Variants in NKAIN2 observed in about 807,000 individuals in gnomAD.
The protein encoded by NKAIN2 is sodium/potassium transporting ATPase interacting 2.
Under a neutral mutation model 32.6 loss-of-function variants are expected in NKAIN2, and 14 were observed. That is an observed-to-expected ratio of 0.43 (90% CI 0.28 to 0.67). NKAIN2 has a LOEUF of 0.67. NKAIN2 is among the 30% of genes least tolerant of loss of function. The pLI is 0.17. For missense variants in NKAIN2, 198 were observed against 258.3 expected (o/e 0.77, Z 1.60); for synonymous variants, 80 against 87.2 (o/e 0.92, Z 0.46).
intron 1 of NKAIN2, among the ~76,000 whole-genome samples, chr6:124,159,883 C>A (rs111866614): frequency 7.2e-5 from 11 of 152,132 alleles, no homozygotes; most frequent in African/African-American, 2.4e-4. Context: ...TTCTGAGCTG[C>A]AAACTAAATG....
chr6:124,069,091 T>C (rs1275253217), intron 1 of NKAIN2, among the ~76,000 whole-genome samples: 1 of 152,180 alleles, frequency 6.6e-6, no homozygotes, highest in East Asian at 1.9e-4. Flanking sequence ...ACCTCTTTGG[T>C]TATCTGTTCA....
chr6:123,908,852 T>A (rs2114445071), intron 1 of NKAIN2, among the ~76,000 whole-genome samples: 1 of 152,340 alleles, frequency 6.6e-6, no homozygotes, highest in East Asian at 1.9e-4. Flanking sequence ...TTCAGATTGC[T>A]TCTAGCTCCC....
Position 124,451,045 on chromosome 6 carries a change from T to A in NKAIN2, c.273+95698T>A, listed in dbSNP as rs560415394. 8.5e-5 allele frequency among the ~76,000 whole-genome samples: 13 copies of A among 152,140 alleles called. 1 individual carries two copies. The South Asian group carries it at 1.7e-3, about 19-fold the overall frequency. The stretch of plus-strand genomic sequence containing the variant: ...TCAATGAAACCAGAAATAGAAAGAA[T>A]CAGTTAAAATAATGGAACCTTTTAG... On this transcript the variant is annotated intron_variant, in intron 3 of 6. Transcript: ENST00000368417.
intron 1 of NKAIN2, among the ~76,000 whole-genome samples, chr6:124,239,583 T>A (rs1792962935): frequency 6.6e-6 from 1 of 152,114 alleles, no homozygotes; most frequent in Admixed American, 6.6e-5. Context: ...AACTCAGGAT[T>A]AAGAAACTCA....
chr6:124,109,096 C>T (rs1182559069), intron 1 of NKAIN2, among the ~76,000 whole-genome samples: 2 of 151,722 alleles, frequency 1.3e-5, no homozygotes, highest in Non-Finnish European at 1.5e-5. Flanking sequence ...GTAAATTATG[C>T]CATTGGAATT....
At chr6:123,907,515 T>G (rs1232867242) in intron 1 of NKAIN2, among the ~76,000 whole-genome samples, 2 of 152,188 alleles carry the variant, frequency 1.3e-5, no homozygotes, top group African/African-American at 4.8e-5. Flanking sequence ...TGTAAATATA[T>G]GGGACTGGAA....
At chr6:124,323,638 A>C (rs185028338) in intron 2 of NKAIN2, among the ~76,000 whole-genome samples, 172 of 151,950 alleles carry the variant, frequency 1.1e-3, no homozygotes, top group African/African-American at 4.0e-3. Context: ...AGTATGTTCC[A>C]TTTTTCTATA....
chr6:124,557,483 AT>A (rs562604845), intron 3 of NKAIN2, among the ~76,000 whole-genome samples: 76 of 152,278 alleles, frequency 5.0e-4, no homozygotes, highest in Non-Finnish European at 8.5e-4. Flanking sequence ...AACTTTGCTG[AT>A]TAAGGAAAAC....
At chr6:123,824,064 A>G (rs1020095317) in intron 1 of NKAIN2, among the ~76,000 whole-genome samples, 5 of 152,178 alleles carry the variant, frequency 3.3e-5, no homozygotes, top group African/African-American at 1.2e-4. Context: ...GTCTGTAACT[A>G]ATAGAATTTA....
intron 3 of NKAIN2, among the ~76,000 whole-genome samples, chr6:124,418,327 A>G (rs1774588312): frequency 6.6e-6 from 1 of 152,028 alleles, no homozygotes; most frequent in African/African-American, 2.4e-5. Context: ...TCTGAACACA[A>G]AATAATATTT....
At chr6:124,190,205 C>A (rs917854156) in intron 1 of NKAIN2, among the ~76,000 whole-genome samples, 1 of 152,198 alleles carries the variant, frequency 6.6e-6, no homozygotes, top group Admixed American at 6.5e-5. Flanking sequence ...CTTATTCTTT[C>A]TAAGCCTTGG....
intron 1 of NKAIN2, among the ~76,000 whole-genome samples, chr6:123,806,224 G>GT (rs1773208216): frequency 6.6e-6 from 1 of 152,118 alleles, no homozygotes; most frequent in African/African-American, 2.4e-5. Flanking sequence ...AGACGTAGCT[G>GT]TAATACAGAA....
intron 1 of NKAIN2, among the ~76,000 whole-genome samples, chr6:124,083,884 C>G (rs1353523886): frequency 2.6e-5 from 4 of 151,810 alleles, no homozygotes; most frequent in Non-Finnish European, 5.9e-5. Context: ...TTGCAAATTC[C>G]AGCATGGATA....
Position 124,136,227 on chromosome 6 carries a change from C to A in NKAIN2, c.55-146778C>A, listed in dbSNP as rs1279998182. Among the ~76,000 whole-genome samples, 6 of 152,036 alleles carry A rather than the reference C, an allele frequency of 3.9e-5. No individual in the cohort carries two copies. In the East Asian group the frequency reaches 1.2e-3, roughly 29 times the overall value. ...TACCACAGAAATACAAAATATCATT[C>A]AAGGCTACTATGAATACCTTTACAT... On this transcript the variant is annotated intron_variant, in intron 1 of 6. Transcript: ENST00000368417.
chr6:124,376,406 A>T (rs1375994721), intron 3 of NKAIN2, among the ~76,000 whole-genome samples: 1 of 152,122 alleles, frequency 6.6e-6, no homozygotes, highest in African/African-American at 2.4e-5. Context: ...TGTTTTTATA[A>T]AAAGTTATGG....
At chr6:124,707,775 C>G (rs1775178760) in intron 4 of NKAIN2, among the ~76,000 whole-genome samples, 1 of 151,778 alleles carries the variant, frequency 6.6e-6, no homozygotes, top group African/African-American at 2.4e-5. Context: ...CAAAAATTTT[C>G]TCCCATTGTG....
intron 1 of NKAIN2, among the ~76,000 whole-genome samples, chr6:123,816,382 A>G (rs1283377045): frequency 6.6e-6 from 1 of 152,130 alleles, no homozygotes; most frequent in Non-Finnish European, 1.5e-5. Context: ...AAACAACACA[A>G]TGTGAGAGTG....
chr6:124,487,863 C>T (rs779233662), intron 3 of NKAIN2, among the ~76,000 whole-genome samples: 1 of 152,074 alleles, frequency 6.6e-6, no homozygotes, highest in Non-Finnish European at 1.5e-5. Flanking sequence ...ATATCTTCTC[C>T]ATAGGTCCAT....
chr6:124,131,165 G>C (rs999646973), intron 1 of NKAIN2, among the ~76,000 whole-genome samples: 1 of 151,962 alleles, frequency 6.6e-6, no homozygotes. Flanking sequence ...TTGTTTTTTT[G>C]ATACAGTCTT....
Sources: allele counts gnomAD v4.1 joint callset (sites outside exome capture counted in the v4.1 genomes callset), GRCh38; gene constraint gnomAD v4.1.1; transcripts MANE v1.5; gene names NCBI Gene and HGNC (gene_info 2026-07-23, HGNC 2026-07-21).